Variants in LCLAT1 observed in about 807,000 individuals in gnomAD.
LCLAT1 encodes lysocardiolipin acyltransferase 1.
In LCLAT1, 11 loss-of-function variants were observed where a neutral mutation model predicts 30.7. That is an observed-to-expected ratio of 0.36 (90% confidence interval 0.23 to 0.59). LCLAT1 has a LOEUF of 0.59. Ranked by LOEUF, LCLAT1 falls within the 20% of genes least tolerant of loss-of-function variation. The probability of loss-of-function intolerance (pLI) is 0.77; values close to 1 mark genes in which losing one functional copy is unlikely to be tolerated. For missense variants in LCLAT1, 402 were observed against 458.6 expected, an observed-to-expected ratio of 0.88 and a Z score of 1.13; for synonymous variants, 155 against 151.3, an observed-to-expected ratio of 1.02 and a Z score of -0.18.
chr2:30,563,979 G>A (rs956032273), intron 4 of LCLAT1, among the ~76,000 whole-genome samples: 1 of 152,158 alleles, frequency 6.6e-6, no homozygotes, highest in East Asian at 1.9e-4. Context: ...TATGCCAACT[G>A]TGTAGTATAT....
intron 1 of LCLAT1, among the ~76,000 whole-genome samples, chr2:30,520,530 G>A (rs10170012): frequency 0.13 from 19,287 of 152,150 alleles, 1,346 homozygotes; most frequent in South Asian, 0.23. Context: ...TAGCTGTGTA[G>A]CCTTAAGTAA....
In LCLAT1 at chr2:30,641,887, C is replaced by CTTTTTTTTCTTT; in HGVS notation, c.*1289_*1300dup. ...ATTTTCACTCTGTTGGAGCTGCACA[C>CTTTTTTTTCTTT]TTTTTTTTCTTTTTTTTTTTCTTTT... On this transcript the variant is annotated 3_prime_UTR_variant, in exon 6 of 6. Coordinates refer to ENST00000379509, the MANE Select transcript of LCLAT1 (RefSeq NM_001002257.3). The CTTTTTTTTCTTT allele has an allele frequency of 7.7e-6, 1 of 129,248 alleles. No homozygotes were observed. Among genetic ancestry groups the CTTTTTTTTCTTT allele is most frequent in the Non-Finnish European group, 1.7e-5 (1 of 59,866 alleles). The allele number at this position is 129,248 out of a possible 1,614,324, so 8.0% of individuals were successfully genotyped here.
chr2:30,622,076 G>A (rs1405839989), intron 5 of LCLAT1, among the ~76,000 whole-genome samples: 1 of 152,162 alleles, frequency 6.6e-6, no homozygotes, highest in African/African-American at 2.4e-5. Context: ...TGGAGCTATT[G>A]AGGGGACACG....
intron 3 of LCLAT1, among the ~76,000 whole-genome samples, chr2:30,543,703 A>G (rs1471416892): frequency 2.6e-5 from 4 of 152,072 alleles, no homozygotes; most frequent in Non-Finnish European, 5.9e-5. Flanking sequence ...TGTTAATAAT[A>G]TTTTGTTAAT....
At chr2:30,483,018 G>T (rs886771101) in intron 1 of LCLAT1, among the ~76,000 whole-genome samples, 7 of 152,142 alleles carry the variant, frequency 4.6e-5, no homozygotes, top group Non-Finnish European at 8.8e-5. Flanking sequence ...TGGAACCCTG[G>T]TGCAGAAGAA....
At chr2:30,515,952 A>T (rs368901172) in intron 1 of LCLAT1, among the ~76,000 whole-genome samples, 1 of 152,148 alleles carries the variant, frequency 6.6e-6, no homozygotes, top group African/African-American at 2.4e-5. Flanking sequence ...AGGGATAGTA[A>T]TGAGAGACAG....
At chr2:30,561,461 C>CTGTA (rs1343345424) in intron 3 of LCLAT1, among the ~76,000 whole-genome samples, 1 of 152,138 alleles carries the variant, frequency 6.6e-6, no homozygotes, top group Non-Finnish European at 1.5e-5. Flanking sequence ...TAGGTATCTA[C>CTGTA]TGTAGTAGTC....
At chr2:30,622,204 A>G (rs1357707887) in intron 5 of LCLAT1, among the ~76,000 whole-genome samples, 1 of 152,118 alleles carries the variant, frequency 6.6e-6, no homozygotes, top group Non-Finnish European at 1.5e-5. Context: ...ACATAAGTCC[A>G]TTGGCCTGAG....
chr2:30,592,881 TA>T (rs1365290180), intron 5 of LCLAT1, among the ~76,000 whole-genome samples: 4 of 152,244 alleles, frequency 2.6e-5, no homozygotes, highest in Non-Finnish European at 5.9e-5. Flanking sequence ...CAACTCAGAA[TA>T]ATTGGACTGT....
At chr2:30,482,116 A>T (rs868129823) in intron 1 of LCLAT1, among the ~76,000 whole-genome samples, 18 of 152,358 alleles carry the variant, frequency 1.2e-4, no homozygotes, top group Non-Finnish European at 2.2e-4. Flanking sequence ...AAACTATTTC[A>T]TCTTAAAACA....
intron 1 of LCLAT1, among the ~76,000 whole-genome samples, chr2:30,521,073 G>T (rs934966013): frequency 6.6e-6 from 1 of 152,112 alleles, no homozygotes; most frequent in African/African-American, 2.4e-5. Context: ...TAAGGAGCTG[G>T]CCAAAACCCA....
intron 1 of LCLAT1, among the ~76,000 whole-genome samples, chr2:30,495,432 T>A (rs1317780258): frequency 6.6e-6 from 1 of 152,044 alleles, no homozygotes; most frequent in Non-Finnish European, 1.5e-5. Flanking sequence ...CTAATGAAAA[T>A]TTTTACCCCA....
intron 3 of LCLAT1, among the ~76,000 whole-genome samples, chr2:30,538,079 A>G (rs976781180): frequency 1.3e-5 from 2 of 152,218 alleles, no homozygotes; most frequent in Non-Finnish European, 2.9e-5. Context: ...CAGCAAAAGC[A>G]GTAGTAAGAG....
chr2:30,555,942 A>G (rs959408615), intron 3 of LCLAT1, among the ~76,000 whole-genome samples: 2 of 148,104 alleles, frequency 1.4e-5, no homozygotes, highest in Non-Finnish European at 3.0e-5. Flanking sequence ...GTTTCATGCC[A>G]TTCTCCTGCC....
intron 5 of LCLAT1, among the ~76,000 whole-genome samples, chr2:30,602,421 C>G (rs1044203652): frequency 3.0e-4 from 45 of 152,146 alleles, no homozygotes; most frequent in African/African-American, 8.7e-4. Flanking sequence ...AGGAAGCCAG[C>G]CTTTGGTAAA....
chr2:30,465,142 G>C (rs560300738), intron 1 of LCLAT1, among the ~76,000 whole-genome samples: 8 of 152,336 alleles, frequency 5.3e-5, no homozygotes, highest in Non-Finnish European at 8.8e-5. Flanking sequence ...TAATTAAATT[G>C]AGGATCTTGA....
chr2:30,474,849 A>G (rs1682970193), intron 1 of LCLAT1, among the ~76,000 whole-genome samples: 1 of 151,876 alleles, frequency 6.6e-6, no homozygotes, highest in African/African-American at 2.4e-5. Flanking sequence ...ATGAGGTCTC[A>G]TTTTGTTGCC....
intron 1 of LCLAT1, among the ~76,000 whole-genome samples, chr2:30,524,694 A>G (rs1685625279): frequency 6.6e-6 from 1 of 152,176 alleles, no homozygotes; most frequent in Non-Finnish European, 1.5e-5. Context: ...AGTTTCGGTG[A>G]TCAGATTGAC....
chr2:30,537,127 A>T lies in LCLAT1; in HGVS notation c.364+3813A>T, dbSNP rs1047113622. 8.6e-5 allele frequency among the ~76,000 whole-genome samples: 13 copies of T among 151,972 alleles called. No individual in the cohort carries two copies. The East Asian group carries it at 2.5e-3, about 29-fold the overall frequency. On this transcript the variant is annotated intron_variant, in intron 3 of 5. Transcript: ENST00000379509. ...CCGGGCGCGGTGGCTCACGCCTGTA[A>T]TCCCAGCACTTTGGGAGGCCAAGGC...
Sources: allele counts gnomAD v4.1 joint callset (sites outside exome capture counted in the v4.1 genomes callset), GRCh38; gene constraint gnomAD v4.1.1; transcripts MANE v1.5; gene names NCBI Gene and HGNC (gene_info 2026-07-23, HGNC 2026-07-21).